CEP112: variants seen among roughly 807,000 people sequenced by gnomAD.
CEP112 encodes centrosomal protein of 112 kDa.
A neutral mutation model predicts 153.0 loss-of-function variants in CEP112; 127 were observed. The observed-to-expected ratio is 0.83, with a 90% CI of 0.72 to 0.96. The LOEUF is 0.96. Among genes scored for constraint, CEP112 ranks in the 40% least tolerant of loss-of-function variants. The probability of loss-of-function intolerance (pLI) is 0.00; values close to 1 mark genes in which losing one functional copy is unlikely to be tolerated. For missense variants in CEP112, 1,089 were observed against 1,101.2 expected (o/e 0.99, Z 0.16); for synonymous variants, 358 against 374.4 (o/e 0.96, Z 0.51).
At chr17:65,888,785 G>C (rs552250641) in intron 20 of CEP112, among the ~76,000 whole-genome samples, 1 of 152,200 alleles carries the variant, frequency 6.6e-6, no homozygotes, top group East Asian at 1.9e-4. Context: ...TCTTAAAACC[G>C]AGTGACTCAG....
chr17:65,843,249 T>A (rs1411293657), intron 21 of CEP112, among the ~76,000 whole-genome samples: 2 of 152,184 alleles, frequency 1.3e-5, no homozygotes, highest in African/African-American at 4.8e-5. Context: ...TTGTTATATT[T>A]ACAGGTGCCA....
chr17:65,650,095 C>T (rs967216241), intron 24 of CEP112, among the ~76,000 whole-genome samples: 3 of 152,228 alleles, frequency 2.0e-5, no homozygotes, highest in Non-Finnish European at 2.9e-5. Context: ...TGCTTTCTTC[C>T]AATTCATTCA....
chr17:65,894,587 G>C (rs2059596229), intron 20 of CEP112, among the ~76,000 whole-genome samples: 1 of 151,974 alleles, frequency 6.6e-6, no homozygotes. Flanking sequence ...TTCCAAATTA[G>C]TATGTGAATA....
chr17:65,912,287 G>A (rs1458837233), intron 19 of CEP112, among the ~76,000 whole-genome samples: 2 of 152,040 alleles, frequency 1.3e-5, no homozygotes, highest in African/African-American at 2.4e-5. Context: ...TAGAGTAATC[G>A]TGTCTACCTT....
chr17:66,071,645 C>A (rs986735055), intron 8 of CEP112, among the ~76,000 whole-genome samples: 10 of 152,106 alleles, frequency 6.6e-5, no homozygotes, highest in Non-Finnish European at 1.2e-4. Context: ...TATGCTTAAG[C>A]AATCCATTAG....
intron 24 of CEP112, among the ~76,000 whole-genome samples, chr17:65,671,208 T>C (rs917781098): frequency 2.6e-5 from 4 of 152,100 alleles, no homozygotes; most frequent in African/African-American, 7.2e-5. Context: ...GTCAGGAATC[T>C]GAAGGTCATA....
chr17:65,927,131 C>T (rs554338390), intron 19 of CEP112, among the ~76,000 whole-genome samples: 6 of 152,212 alleles, frequency 3.9e-5, no homozygotes, highest in Non-Finnish European at 5.9e-5. Context: ...TAAAAGTGTA[C>T]GGCACCTCCT....
At chr17:65,687,028 C>T (rs543451470) in intron 24 of CEP112, among the ~76,000 whole-genome samples, 36 of 151,934 alleles carry the variant, frequency 2.4e-4, no homozygotes, top group African/African-American at 8.0e-4. Context: ...TTTTGGCATG[C>T]TATTCACAAA....
At chr17:65,646,934 G>A (rs1254282757) in intron 24 of CEP112, among the ~76,000 whole-genome samples, 1 of 152,092 alleles carries the variant, frequency 6.6e-6, no homozygotes. Flanking sequence ...GACTCCCCAC[G>A]CCTTCCCATT....
intron 4 of CEP112, among the ~76,000 whole-genome samples, chr17:66,142,174 G>A (rs985229361): frequency 3.9e-5 from 6 of 152,158 alleles, no homozygotes; most frequent in African/African-American, 1.2e-4. Flanking sequence ...TTGGAGAAAC[G>A]TGTATTCAAG....
At chr17:65,870,033 GAAAGAAAGAAAGAA>G (rs1256249457) in intron 20 of CEP112, among the ~76,000 whole-genome samples, 2 of 65,054 alleles carry the variant, frequency 3.1e-5, no homozygotes, top group Non-Finnish European at 7.3e-5. Flanking sequence ...AAGAAAGAAA[GAAAGAAAGAAAGAA>G]AGAAAGAAAG....
At chr17:65,816,974 T>C (rs1371149205) in intron 21 of CEP112, among the ~76,000 whole-genome samples, 1 of 152,006 alleles carries the variant, frequency 6.6e-6, no homozygotes, top group Non-Finnish European at 1.5e-5. Context: ...GTGGAGGCAG[T>C]TGCTTATAAT....
At chr17:65,851,779 T>C in intron 21 of CEP112, 25 bp downstream of exon 21, 1 of 1,554,292 alleles carries the variant, frequency 6.4e-7, no homozygotes, top group Non-Finnish European at 8.8e-7. Flanking sequence ...CAACTGCCTA[T>C]TAAAAAACTA....
chr17:65,636,617 G>GT (rs113104335), intron 26 of CEP112: 1,723 of 144,826 alleles, frequency 0.012, 9 homozygotes, highest in South Asian at 0.019. Context: ...TTTTTCTTTT[G>GT]TTTTTTTTTT....
chr17:65,798,565 T>C (rs998049713), intron 21 of CEP112, among the ~76,000 whole-genome samples: 1 of 152,234 alleles, frequency 6.6e-6, no homozygotes, highest in Non-Finnish European at 1.5e-5. Flanking sequence ...TCCTATGTTC[T>C]ACTCATTATT....
intron 17 of CEP112, among the ~76,000 whole-genome samples, chr17:66,004,298 A>G (rs7501874): frequency 0.41 from 61,938 of 151,326 alleles, 14,067 homozygotes; most frequent in East Asian, 0.87. Context: ...TGACCAACAT[A>G]GTGAAACCCA....
intron 8 of CEP112, among the ~76,000 whole-genome samples, chr17:66,070,774 C>A (rs191046506): frequency 6.6e-6 from 1 of 152,122 alleles, no homozygotes; most frequent in East Asian, 1.9e-4. Context: ...CACATGATTC[C>A]TCACAATTTA....
intron 8 of CEP112, among the ~76,000 whole-genome samples, chr17:66,091,380 C>T (rs924188711): frequency 2.0e-5 from 3 of 151,836 alleles, no homozygotes; most frequent in African/African-American, 7.3e-5. Flanking sequence ...AAATCAGTAA[C>T]AAGAGGAATT....
chr17:65,866,266 G>T (rs2058482524), intron 20 of CEP112, among the ~76,000 whole-genome samples: 1 of 152,224 alleles, frequency 6.6e-6, no homozygotes, highest in Non-Finnish European at 1.5e-5. Context: ...AGCCTGGCCG[G>T]TTGTGCGCAC....
Sources: allele counts gnomAD v4.1 joint callset (sites outside exome capture counted in the v4.1 genomes callset), GRCh38; gene constraint gnomAD v4.1.1; transcripts MANE v1.5; gene names NCBI Gene and HGNC (gene_info 2026-07-23, HGNC 2026-07-21).